Variants in ARHGEF3 observed in about 807,000 individuals in gnomAD.
The protein encoded by ARHGEF3 is Rho guanine nucleotide exchange factor 3, also known as 59.8 kDA protein.
A neutral mutation model predicts 63.2 loss-of-function variants in ARHGEF3; 28 were observed. The observed-to-expected ratio is 0.44, with a 90% confidence interval of 0.33 to 0.61. The LOEUF (loss-of-function observed/expected upper bound fraction) is 0.61, where lower values mean the gene tolerates loss of function less well. ARHGEF3 is among the 20% of genes least tolerant of loss of function. The probability of loss-of-function intolerance (pLI) is 0.03; values close to 1 mark genes in which losing one functional copy is unlikely to be tolerated. For missense variants in ARHGEF3, 533 were observed against 659.3 expected (o/e 0.81, Z 2.10); for synonymous variants, 266 against 254.2 (o/e 1.05, Z -0.44).
At chr3:57,048,113 C>T (rs1480114677) in intron 1 of ARHGEF3, among the ~76,000 whole-genome samples, 5 of 152,200 alleles carry the variant, frequency 3.3e-5, no homozygotes, top group Non-Finnish European at 7.4e-5. Context: ...CCAGGTCTTC[C>T]CTCCCACTCC....
intron 4 of ARHGEF3, among the ~76,000 whole-genome samples, chr3:56,846,403 CAAGT>C (rs970080301): frequency 1.3e-5 from 2 of 151,728 alleles, no homozygotes; most frequent in Non-Finnish European, 2.9e-5. Flanking sequence ...AGTGCAACGA[CAAGT>C]AACAGGAATT....
At chr3:56,774,683 C>T (rs1270774462) in intron 1 of ARHGEF3, among the ~76,000 whole-genome samples, 1 of 152,006 alleles carries the variant, frequency 6.6e-6, no homozygotes, top group Non-Finnish European at 1.5e-5. Flanking sequence ...GGGTGGATCA[C>T]GAGGTCAGGA....
intron 3 of ARHGEF3, among the ~76,000 whole-genome samples, chr3:56,946,703 G>A (rs2106642369): frequency 6.6e-6 from 1 of 152,310 alleles, no homozygotes; most frequent in South Asian, 2.1e-4. Flanking sequence ...AAAACACTCT[G>A]CAGGATATTA....
chr3:56,918,859 C>T (rs2042053002), intron 3 of ARHGEF3, among the ~76,000 whole-genome samples: 2 of 152,310 alleles, frequency 1.3e-5, no homozygotes, highest in Admixed American at 1.3e-4. Flanking sequence ...CATAGCATCA[C>T]TGTCACACAT....
At position 56,737,237 on chromosome 3, in the gene ARHGEF3, T is replaced by C. The variant is rs1350752704; in HGVS notation, c.989A>G (p.Asp330Gly). ...ATGACAACACAAGACTCGAGAGCTG[T>C]CGATCAGGGAGTCTTTCTGGCCTTC... ...LEEGQKDSLI[D>G]SSRVLCCHGE... The change falls in exon 8 of 10, where the codon GAC becomes GGC. Residue 330 changes from aspartate (D) to glycine (G), a missense_variant. Asp to Gly is a moderately conservative substitution (Grantham distance 94). This residue lies in a region of ARHGEF3 where 151 missense variants were observed against 190.7 expected (regional missense o/e 0.79). Transcript: ENST00000296315. 1 of 1,614,142 alleles carries C rather than the reference T, an allele frequency of 6.2e-7. No individual in the cohort carries two copies. Among genetic ancestry groups the C allele is most frequent in the Non-Finnish European group, 8.5e-7 (1 of 1,180,010 alleles).
intron 1 of ARHGEF3, among the ~76,000 whole-genome samples, chr3:57,064,136 G>A (rs572168002): frequency 3.3e-5 from 5 of 152,122 alleles, no homozygotes; most frequent in African/African-American, 1.2e-4. Context: ...GGGCATAGTG[G>A]TGCATGCCTG....
chr3:56,924,616 A>G (rs1286624129), intron 3 of ARHGEF3, among the ~76,000 whole-genome samples: 1 of 152,220 alleles, frequency 6.6e-6, no homozygotes, highest in Admixed American at 6.5e-5. Flanking sequence ...CCTTTATAGA[A>G]CATATAGGGT....
chr3:56,882,612 C>A (rs553451854), intron 3 of ARHGEF3, among the ~76,000 whole-genome samples: 121 of 148,540 alleles, frequency 8.1e-4, no homozygotes, highest in African/African-American at 2.8e-3. Context: ...TCTGCCTCCT[C>A]GGTTCAAGCG....
At chr3:56,929,590 C>T (rs961973551) in intron 3 of ARHGEF3, among the ~76,000 whole-genome samples, 1 of 152,220 alleles carries the variant, frequency 6.6e-6, no homozygotes, top group African/African-American at 2.4e-5. Context: ...TCCCATGGAC[C>T]ACACTTTGAG....
chr3:56,860,254 T>C (rs1373822931), intron 4 of ARHGEF3, among the ~76,000 whole-genome samples: 2 of 152,176 alleles, frequency 1.3e-5, no homozygotes, highest in Non-Finnish European at 2.9e-5. Flanking sequence ...CATGGCTCAC[T>C]GCAGCCTCAA....
intron 3 of ARHGEF3, among the ~76,000 whole-genome samples, chr3:56,943,839 G>A (rs570851427): frequency 4.0e-5 from 6 of 150,420 alleles, no homozygotes; most frequent in South Asian, 2.1e-4. Flanking sequence ...CACTTGAACC[G>A]GGGAGGCAGA....
At chr3:57,046,257 A>G (rs2078113) in intron 1 of ARHGEF3, among the ~76,000 whole-genome samples, 38,053 of 152,106 alleles carry the variant, frequency 0.25, 5,723 homozygotes, top group East Asian at 0.63. Flanking sequence ...GAAATAAACT[A>G]CAGCTTTAAG....
rs1699842485 is a variant in ARHGEF3, at chr3:56,952,156, A to G, written c.129+6667T>C. Among the ~76,000 whole-genome samples the G allele has an allele frequency of 2.0e-5, 3 of 152,028 alleles. No individual in the cohort carries two copies. The South Asian group carries it at 6.2e-4, about 31-fold the overall frequency. On this transcript the variant is annotated intron_variant, in intron 3 of 12. Transcript: ENST00000338458. ...ATCTGAGTGGGCCTAATTTAGTCTG[A>G]TGAGCCCTTAAAAGGAATTTGGCTC... is the stretch of plus-strand genomic sequence containing the variant.
At chr3:57,028,907 G>A (rs1703602526) in intron 2 of ARHGEF3, among the ~76,000 whole-genome samples, 2 of 151,332 alleles carry the variant, frequency 1.3e-5, no homozygotes, top group Admixed American at 6.6e-5. Flanking sequence ...CTTTTTTAGT[G>A]ACTTTGCAGC....
intron 4 of ARHGEF3, among the ~76,000 whole-genome samples, chr3:56,848,107 ATGTTAATGTGACATTT>A (rs1172270808): frequency 6.6e-6 from 1 of 152,138 alleles, no homozygotes; most frequent in African/African-American, 2.4e-5. Flanking sequence ...AAAGAGAGAA[ATGTTAATGTGACATTT>A]AAGCTACCTT....
intron 1 of ARHGEF3, among the ~76,000 whole-genome samples, chr3:57,040,501 A>AGAAAAGAAAAGGAAAG (rs1704140059): frequency 7.4e-6 from 1 of 134,716 alleles, no homozygotes; most frequent in Admixed American, 7.6e-5. Context: ...AAAGAAAAGA[A>AGAAAAGAAAAGGAAAG]AATACCAAAA....
chr3:56,991,076 T>C (rs1347416139), intron 2 of ARHGEF3, among the ~76,000 whole-genome samples: 1 of 152,162 alleles, frequency 6.6e-6, no homozygotes, highest in South Asian at 2.1e-4. Flanking sequence ...CACTGCTAGA[T>C]TCCTGCCATG....
At chr3:56,745,872 C>T (rs1421685779) in intron 6 of ARHGEF3, among the ~76,000 whole-genome samples, 1 of 152,156 alleles carries the variant, frequency 6.6e-6, no homozygotes, top group Non-Finnish European at 1.5e-5. Context: ...GGGGTTTCAA[C>T]GTGTTAGCCA....
intron 3 of ARHGEF3, among the ~76,000 whole-genome samples, chr3:56,914,546 T>G (rs915070573): frequency 6.6e-6 from 1 of 152,192 alleles, no homozygotes; most frequent in Non-Finnish European, 1.5e-5. Flanking sequence ...ATGCAAAATA[T>G]GTACTACATA....
Sources: gnomAD v4.1 joint callset for allele counts (sites outside exome capture counted in the v4.1 genomes callset) on GRCh38, gnomAD v4.1.1 for gene constraint, gnomAD v4.1.1 regional missense constraint, MANE v1.5 for transcripts, NCBI Gene and HGNC (gene_info 2026-07-23, HGNC 2026-07-21) for gene names.